PCP4: variants seen among roughly 807,000 people sequenced by gnomAD.
PCP4 encodes the protein Purkinje cell protein 4.
Under a neutral mutation model 10.0 loss-of-function variants are expected in PCP4, and 8 were observed. The ratio of observed to expected loss-of-function variants is 0.80; its 90% CI spans 0.47 to 1.45. PCP4 has a LOEUF of 1.45. PCP4 is among the 40% of genes most tolerant of loss of function. The pLI is 0.00. For missense variants in PCP4, 54 were observed against 74.4 expected, an observed-to-expected ratio of 0.73 and a Z score of 1.01; for synonymous variants, 21 against 23.0, an observed-to-expected ratio of 0.91 and a Z score of 0.24.
intron 1 of PCP4, among the ~76,000 whole-genome samples, chr21:39,890,103 G>A (rs974418461): frequency 3.9e-5 from 6 of 152,176 alleles, no homozygotes; most frequent in East Asian, 1.9e-4. Flanking sequence ...TCTAGAAGTC[G>A]TGTAATAAAC....
rs529349966 is a variant in PCP4 at position 39,903,942 on chromosome 21, A to G, written c.61+5415A>G. On this transcript the variant is annotated intron_variant, in intron 2 of 2. Coordinates refer to ENST00000328619, the MANE Select transcript of PCP4 (RefSeq NM_006198.3). ...GATTATATGATTGCCAAGAATAAAT[A>G]AGATGAAATGTTAATGTACTGGGTA... 1.8e-4 allele frequency among the ~76,000 whole-genome samples: 28 copies of G among 152,078 alleles called. No individual in the cohort carries two copies. The East Asian group carries it at 3.7e-3, about 20-fold the overall frequency.
intron 1 of PCP4, among the ~76,000 whole-genome samples, chr21:39,893,855 G>A (rs916799007): frequency 5.9e-5 from 9 of 152,184 alleles, no homozygotes; most frequent in Admixed American, 3.9e-4. Context: ...TAGGGACATT[G>A]CTCTAACATG....
In PCP4 at chr21:39,927,311, T is replaced by TATC. The variant is rs1568863738; in HGVS notation, c.62-1672_62-1670dup. Reference sequence around the variant, plus strand: ...CTATCTATCTATCTATCTATCTATCTATCTATCTATCATCTATCTATCTAT... The same window carrying TATC: ...CTATCTATCTATCTATCTATCTATCTATCATCTATCTATCATCTATCTATCTAT... On this transcript the variant is annotated intron_variant, in intron 2 of 2. Transcript: ENST00000328619. Among the ~76,000 whole-genome samples, 5 of 117,512 alleles carry TATC rather than the reference T, an allele frequency of 4.3e-5. No homozygotes were observed. In the East Asian group the frequency reaches 8.9e-4, roughly 21 times the overall value. The allele number at this position is 117,512 out of a possible 152,430, so 77.1% of individuals were successfully genotyped here.
intron 2 of PCP4, among the ~76,000 whole-genome samples, chr21:39,925,000 C>T (rs1328727503): frequency 6.6e-6 from 1 of 152,236 alleles, no homozygotes; most frequent in Admixed American, 6.5e-5. Context: ...CTGTGCCTTC[C>T]TCTTTCCCTG....
At chr21:39,900,827 G>A (rs1234957944) in intron 2 of PCP4, among the ~76,000 whole-genome samples, 1 of 151,924 alleles carries the variant, frequency 6.6e-6, no homozygotes, top group East Asian at 1.9e-4. Context: ...CATTCTCAGG[G>A]TATGCTTAAG....
rs531485637 is a variant in PCP4, at chr21:39,925,683, G to A, written c.62-3301G>A. Among the ~76,000 whole-genome samples, 8 of 152,240 alleles carry A rather than the reference G, an allele frequency of 5.3e-5. No homozygotes were observed. The East Asian group carries it at 5.8e-4, about 11-fold the overall frequency. On this transcript the variant is annotated intron_variant, in intron 2 of 2. Coordinates refer to ENST00000328619, the MANE Select transcript of PCP4 (RefSeq NM_006198.3). ...GGGCTCTTCAGTCTCCCCAGCAGGC[G>A]TGGCCGAGGGCTTCCCTGTGGGTAT...
intron 2 of PCP4, among the ~76,000 whole-genome samples, chr21:39,905,225 C>A (rs759739476): frequency 4.6e-5 from 7 of 151,364 alleles, no homozygotes; most frequent in Admixed American, 6.6e-5. Context: ...CCCTTTATCT[C>A]CTTCCTTTTC....
At chr21:39,891,417 C>G (rs1375072280) in intron 1 of PCP4, among the ~76,000 whole-genome samples, 1 of 152,226 alleles carries the variant, frequency 6.6e-6, no homozygotes, top group Non-Finnish European at 1.5e-5. Flanking sequence ...TTTGCATGGT[C>G]CAGATGCATG....
intron 2 of PCP4, among the ~76,000 whole-genome samples, chr21:39,917,872 T>C (rs2087576788): frequency 6.6e-6 from 1 of 152,120 alleles, no homozygotes; most frequent in African/African-American, 2.4e-5. Flanking sequence ...ATAGAGGTAA[T>C]TCAATTGAAA....
chr21:39,913,905 G>A (rs2146346046), intron 2 of PCP4, among the ~76,000 whole-genome samples: 1 of 152,208 alleles, frequency 6.6e-6, no homozygotes, highest in South Asian at 2.1e-4. Flanking sequence ...GAAGCTCAGG[G>A]TGAAGAGCCA....
chr21:39,872,626 T>G (rs966506840), intron 1 of PCP4, among the ~76,000 whole-genome samples: 1 of 152,244 alleles, frequency 6.6e-6, no homozygotes, highest in South Asian at 2.1e-4. Context: ...TAGTATTGAT[T>G]AGAAGCATCC....
chr21:39,883,130 ATTTCC>A (rs1568851481), intron 1 of PCP4, among the ~76,000 whole-genome samples: 1 of 436 alleles, frequency 2.3e-3, no homozygotes, highest in African/African-American at 8.5e-3. Flanking sequence ...ATGGACAAGT[ATTTCC>A]TTTGTGTACA....
chr21:39,913,518 T>C (rs533722615), intron 2 of PCP4, among the ~76,000 whole-genome samples: 3 of 152,352 alleles, frequency 2.0e-5, no homozygotes, highest in African/African-American at 7.2e-5. Context: ...GTTTGAAGGG[T>C]ATTTGAAAAT....
Position 39,904,625 on chromosome 21 carries a change from A to AC in PCP4, c.61+6100dup, listed in dbSNP as rs916539727. ...TCTAGAAAGGCTACAGAGGGAATAC[A>AC]CCTGCCCCTGCCTGCAGCAGTGACT... is the stretch of plus-strand genomic sequence containing the variant. On this transcript the variant is annotated intron_variant, in intron 2 of 2. Coordinates refer to ENST00000328619, the MANE Select transcript of PCP4 (RefSeq NM_006198.3). Among the ~76,000 whole-genome samples, 26 of 152,238 alleles carry AC rather than the reference A, an allele frequency of 1.7e-4. 2 individuals carry two copies. The highest frequency in any genetic ancestry group is 9.8e-4 in the Admixed American group (15 of 15,292).
At chr21:39,886,059 A>G (rs981557881) in intron 1 of PCP4, among the ~76,000 whole-genome samples, 1 of 152,116 alleles carries the variant, frequency 6.6e-6, no homozygotes, top group Admixed American at 6.5e-5. Context: ...GTCCCTTTTA[A>G]TAAGGACACA....
At chr21:39,907,368 T>C (rs2087517135) in intron 2 of PCP4, among the ~76,000 whole-genome samples, 1 of 151,962 alleles carries the variant, frequency 6.6e-6, no homozygotes, top group African/African-American at 2.4e-5. Flanking sequence ...ATCTAGAACA[T>C]AGCTCGGGGG....
intron 1 of PCP4, among the ~76,000 whole-genome samples, chr21:39,887,944 T>C (rs1441628362): frequency 6.6e-6 from 1 of 152,196 alleles, no homozygotes; most frequent in African/African-American, 2.4e-5. Flanking sequence ...GAATATGCAA[T>C]ATCTGAAACT....
At chr21:39,910,816 C>T (rs1301553123) in intron 2 of PCP4, among the ~76,000 whole-genome samples, 1 of 152,230 alleles carries the variant, frequency 6.6e-6, no homozygotes, top group African/African-American at 2.4e-5. Context: ...AGCTGCTTGG[C>T]CTGAAGGCCT....
chr21:39,896,846 T>C (rs2087459096), intron 1 of PCP4, among the ~76,000 whole-genome samples: 1 of 152,196 alleles, frequency 6.6e-6, no homozygotes, highest in Non-Finnish European at 1.5e-5. Context: ...TTTTCTGATA[T>C]TGTTTTTAGG....
Sources: gnomAD v4.1 joint callset for allele counts (sites outside exome capture counted in the v4.1 genomes callset) on GRCh38, gnomAD v4.1.1 for gene constraint, MANE v1.5 for transcripts, NCBI Gene and HGNC (gene_info 2026-07-23, HGNC 2026-07-21) for gene names.